Variants in NKAIN2 observed in about 807,000 individuals in gnomAD.
The protein encoded by NKAIN2 is sodium/potassium transporting ATPase interacting 2.
A neutral mutation model predicts 32.6 loss-of-function variants in NKAIN2; 14 were observed. That is an observed-to-expected ratio of 0.43 (90% CI 0.28 to 0.67). The LOEUF is 0.67. Among genes scored for constraint, NKAIN2 ranks in the 30% least tolerant of loss-of-function variants. The pLI, the probability that NKAIN2 is intolerant of heterozygous loss-of-function variation, is 0.17. For missense variants in NKAIN2, 198 were observed against 258.3 expected (o/e 0.77, Z 1.60); for synonymous variants, 80 against 87.2 (o/e 0.92, Z 0.46).
At chr6:124,607,626 A>G (rs1391505381) in intron 3 of NKAIN2, among the ~76,000 whole-genome samples, 1 of 152,052 alleles carries the variant, frequency 6.6e-6, no homozygotes. Flanking sequence ...CATTGCCCCT[A>G]CTGTATTGCA....
intron 3 of NKAIN2, among the ~76,000 whole-genome samples, chr6:124,587,316 G>A (rs948653175): frequency 1.3e-5 from 2 of 151,742 alleles, no homozygotes; most frequent in African/African-American, 2.4e-5. Flanking sequence ...TGCAACCTCC[G>A]CCTCCTGGGT....
intron 5 of NKAIN2, among the ~76,000 whole-genome samples, chr6:124,796,982 G>A (rs577094085): frequency 1.3e-5 from 2 of 151,932 alleles, no homozygotes; most frequent in South Asian, 2.1e-4. Context: ...ATTCCTGGTC[G>A]GGTGTGCCTT....
At chr6:124,288,899 A>G (rs1795680006) in intron 2 of NKAIN2, among the ~76,000 whole-genome samples, 1 of 152,194 alleles carries the variant, frequency 6.6e-6, no homozygotes, top group Non-Finnish European at 1.5e-5. Flanking sequence ...GAATCTTTCT[A>G]TGACACCAAG....
At chr6:124,037,718 T>G (rs1781667306) in intron 1 of NKAIN2, among the ~76,000 whole-genome samples, 1 of 152,128 alleles carries the variant, frequency 6.6e-6, no homozygotes, top group Non-Finnish European at 1.5e-5. Context: ...GTTACGGAAT[T>G]CCAAAGGCCA....
At chr6:124,217,789 AC>A (rs1374961387) in intron 1 of NKAIN2, among the ~76,000 whole-genome samples, 2 of 151,296 alleles carry the variant, frequency 1.3e-5, no homozygotes, top group Non-Finnish European at 2.9e-5. Context: ...ATATATGTAC[AC>A]ACACACACAT....
At chr6:124,422,527 T>C (rs1466095984) in intron 3 of NKAIN2, among the ~76,000 whole-genome samples, 1 of 152,208 alleles carries the variant, frequency 6.6e-6, no homozygotes, top group Non-Finnish European at 1.5e-5. Context: ...TCTTTTTTTT[T>C]CCATCTTTGT....
At chr6:124,366,936 A>G (rs937025067) in intron 3 of NKAIN2, among the ~76,000 whole-genome samples, 1 of 152,022 alleles carries the variant, frequency 6.6e-6, no homozygotes, top group Admixed American at 6.6e-5. Flanking sequence ...TCGAAAAAAA[A>G]AAAAAAAAGT....
At chr6:124,084,395 G>T (rs941942961) in intron 1 of NKAIN2, among the ~76,000 whole-genome samples, 1 of 151,954 alleles carries the variant, frequency 6.6e-6, no homozygotes. Context: ...TAGCTTAGGA[G>T]CAATAGGCTA....
chr6:124,123,229 T>C (rs190041718), intron 1 of NKAIN2, among the ~76,000 whole-genome samples: 1 of 152,138 alleles, frequency 6.6e-6, no homozygotes, highest in East Asian at 1.9e-4. Flanking sequence ...TAATAGGTGC[T>C]CAGTGAATGC....
At chr6:124,393,450 T>C (rs567396761) in intron 3 of NKAIN2, among the ~76,000 whole-genome samples, 3 of 152,272 alleles carry the variant, frequency 2.0e-5, no homozygotes, top group African/African-American at 7.2e-5. Flanking sequence ...TGGTTTCTAA[T>C]GCTGGCAATA....
intron 1 of NKAIN2, among the ~76,000 whole-genome samples, chr6:123,833,691 C>CTGTGTGTG (rs59906355): frequency 0.026 from 3,321 of 129,522 alleles, 61 homozygotes; most frequent in East Asian, 0.066. Flanking sequence ...ATTTTTTTTC[C>CTGTGTGTG]TGTGTGTGTG....
chr6:123,853,119 G>A (rs1432018024), intron 1 of NKAIN2, among the ~76,000 whole-genome samples: 2 of 152,128 alleles, frequency 1.3e-5, no homozygotes, highest in Non-Finnish European at 2.9e-5. Context: ...AAAGATATAT[G>A]TTTTAATGTG....
chr6:124,052,356 G>A (rs573943698), intron 1 of NKAIN2, among the ~76,000 whole-genome samples: 2 of 152,194 alleles, frequency 1.3e-5, no homozygotes, highest in South Asian at 4.1e-4. Context: ...AAGTAGTAAT[G>A]TGGGTGTGTG....
intron 1 of NKAIN2, among the ~76,000 whole-genome samples, chr6:124,172,686 AC>A (rs1232232502): frequency 2.0e-5 from 3 of 152,164 alleles, no homozygotes; most frequent in Non-Finnish European, 4.4e-5. Context: ...TGGAATCATT[AC>A]TTCTTTTTGT....
At chr6:124,076,177 C>G (rs776868060) in intron 1 of NKAIN2, among the ~76,000 whole-genome samples, 52 of 152,108 alleles carry the variant, frequency 3.4e-4, no homozygotes, top group Non-Finnish European at 5.7e-4. Flanking sequence ...TAGAAATAGT[C>G]TACTCTGAAA....
At chr6:124,566,322 C>G (rs1583449753) in intron 3 of NKAIN2, among the ~76,000 whole-genome samples, 1 of 152,152 alleles carries the variant, frequency 6.6e-6, no homozygotes, top group African/African-American at 2.4e-5. Context: ...TTGTCCTCAC[C>G]ATTCCTTGTG....
intron 1 of NKAIN2, among the ~76,000 whole-genome samples, chr6:123,928,330 A>G (rs989307957): frequency 5.3e-5 from 8 of 152,250 alleles, no homozygotes; most frequent in Admixed American, 2.0e-4. Context: ...GATGGAATCA[A>G]TTGTACCCTA....
At chr6:124,810,864 C>T (rs1297195473) in intron 5 of NKAIN2, among the ~76,000 whole-genome samples, 1 of 149,134 alleles carries the variant, frequency 6.7e-6, no homozygotes, top group East Asian at 2.0e-4. Flanking sequence ...ACCTTTCATG[C>T]AACAACAGGC....
At chr6:124,407,368 C>A (rs1773911566) in intron 3 of NKAIN2, among the ~76,000 whole-genome samples, 1 of 149,454 alleles carries the variant, frequency 6.7e-6, no homozygotes, top group Admixed American at 6.7e-5. Flanking sequence ...ACAACCATCC[C>A]CTGTGTGTGA....
Sources: allele counts gnomAD v4.1 joint callset (sites outside exome capture counted in the v4.1 genomes callset), GRCh38; gene constraint gnomAD v4.1.1; transcripts MANE v1.5; gene names NCBI Gene and HGNC (gene_info 2026-07-23, HGNC 2026-07-21).